CHD4: variants seen among roughly 807,000 people sequenced by gnomAD.
CHD4 encodes the protein chromodomain helicase DNA binding protein 4, also known as ATP-dependent chromatin remodeler CHD4.
CHD4 carries 35 observed loss-of-function variants against 235.5 expected under a neutral mutation model. The observed-to-expected ratio is 0.15, with a 90% CI of 0.11 to 0.20. CHD4 has a LOEUF of 0.20. Ranked by LOEUF, CHD4 falls within the 10% of genes least tolerant of loss-of-function variation. The pLI, the probability that CHD4 is intolerant of heterozygous loss-of-function variation, is 1.00. For synonymous variants in CHD4, 900 were observed against 850.2 expected (o/e 1.06, Z -1.02); for missense variants, 1,329 against 2,432.3 (o/e 0.55, Z 9.54).
At chr12:6,596,214 C>T (rs66627071) in intron 12 of CHD4, 77 bp from the exon 13 acceptor site, 240,744 of 1,573,084 alleles carry the variant, frequency 0.15, 19,414 homozygotes, top group African/African-American at 0.2. Flanking sequence ...CTGGCAATAC[C>T]GTTTGTTTCA....
At chr12:6,598,176 T>C in intron 11 of CHD4, 46 bp downstream of exon 11, 1 of 1,609,622 alleles carries the variant, frequency 6.2e-7, no homozygotes, top group Non-Finnish European at 8.5e-7. Flanking sequence ...TTTGTCACTA[T>C]CCTCTTCATC....
Position 6,601,535 on chromosome 12 carries a change from T to C in CHD4, c.558-5A>G, listed in dbSNP as rs763716407. 4.1e-5 allele frequency: 66 copies of C among 1,613,894 alleles called. No individual in the cohort carries two copies. Among genetic ancestry groups the C allele is most frequent in the Middle Eastern group, 1.6e-4 (1 of 6,084 alleles). ...TTTTTGGCAGCAATGAGGGGTCTGG[T>C]GGAGAAATGCACAAGAGCAGAGGGA... On this transcript the variant is annotated splice_region_variant and splice_polypyrimidine_tract_variant and intron_variant, in intron 5 of 39. Transcript: ENST00000544040.
At chr12:6,584,691 G>A (rs944132969) in intron 25 of CHD4, 3 of 152,104 alleles carry the variant, frequency 2.0e-5, no homozygotes. Context: ...GCCCTTTTGT[G>A]TATTTTGAAC....
chr12:6,603,279 G>A (rs1948629890), intron 2 of CHD4: 1 of 152,352 alleles, frequency 6.6e-6, no homozygotes, highest in Non-Finnish European at 1.5e-5. Context: ...TCCTGGGCAA[G>A]GATAGGTGGG....
intron 2 of CHD4, among the ~76,000 whole-genome samples, chr12:6,605,518 TACACAGACACTTC>T (rs1948677542): frequency 6.6e-6 from 1 of 152,110 alleles, no homozygotes; most frequent in African/African-American, 2.4e-5. Context: ...CTAGCACACC[TACACAGACACTTC>T]ACACTGCCAG....
intron 2 of CHD4, 63 bp downstream of exon 2, chr12:6,606,211 G>A: frequency 9.0e-7 from 1 of 1,112,262 alleles, no homozygotes; most frequent in Non-Finnish European, 1.3e-6. Flanking sequence ...CCTCACCAGA[G>A]GAGTCACTCG....
At chr12:6,602,588 A>G in intron 2 of CHD4, 91 bp from the exon 3 acceptor site, 1 of 1,490,672 alleles carries the variant, frequency 6.7e-7, no homozygotes, top group Non-Finnish European at 9.1e-7. Context: ...TTTATTCCCC[A>G]CCTCTTGTCC....
chr12:6,594,710 A>G, intron 14 of CHD4, 60 bp from the exon 15 acceptor site: 2 of 1,481,758 alleles, frequency 1.3e-6, no homozygotes, highest in Non-Finnish European at 9.2e-7. Context: ...CCCCTAATAG[A>G]GCAGCTGCTT....
intron 2 of CHD4, among the ~76,000 whole-genome samples, chr12:6,603,455 G>C (rs1163634068): frequency 6.6e-6 from 1 of 151,674 alleles, no homozygotes; most frequent in East Asian, 1.9e-4. Flanking sequence ...ACCCACTGAG[G>C]AGAGGGAAAA....
intron 13 of CHD4, among the ~76,000 whole-genome samples, chr12:6,595,650 T>G (rs1360264104): frequency 6.6e-6 from 1 of 151,980 alleles, no homozygotes; most frequent in Non-Finnish European, 1.5e-5. Flanking sequence ...TAGCTGGGCA[T>G]GGTGGCAGAC....
In CHD4 at chr12:6,573,330, C is replaced by G. The variant is rs375762397; in HGVS notation, c.5362-61G>C. The G allele has an allele frequency of 5.8e-6, 8 of 1,389,760 alleles. No individual in the cohort carries two copies. In the African/African-American group the frequency reaches 9.0e-5, roughly 16 times the overall value. The allele number at this position is 1,389,760 out of a possible 1,614,324, so 86.1% of individuals were successfully genotyped here. A position where few individuals can be genotyped will look rare whatever the true frequency, so the allele number is the denominator to read the frequency against. The stretch of plus-strand genomic sequence containing the variant: ...GATAACTCACTTTACTCACTTCTGA[C>G]TGGCCTCTCAGCTCACCTCTCATTG... On this transcript the variant is annotated intron_variant, in intron 37 of 39. Coordinates refer to ENST00000544040, the MANE Select transcript of CHD4 (RefSeq NM_001273.5).
At position 6,573,364 on chromosome 12, in the gene CHD4, G is replaced by A. The variant is rs1948012710; in HGVS notation, c.5362-95C>T. 3 of 1,047,630 alleles carry A rather than the reference G, an allele frequency of 2.9e-6. No individual in the cohort carries two copies. In the South Asian group the frequency reaches 6.2e-5, roughly 22 times the overall value. 64.9% of individuals were successfully genotyped at this position (1,047,630 alleles called of 1,614,324 possible). ...CAGCTCACCTCTCATTGTTTCAGATGGTAATAAGAACCTATGAAGAACTTC... is the reference window on the plus strand; with the variant it reads ...CAGCTCACCTCTCATTGTTTCAGATAGTAATAAGAACCTATGAAGAACTTC... On this transcript the variant is annotated intron_variant, in intron 37 of 39. Transcript: ENST00000544040.
chr12:6,583,434 C>T, intron 25 of CHD4, 56 bp from the exon 26 acceptor site: 1 of 1,465,046 alleles, frequency 6.8e-7, no homozygotes, highest in Non-Finnish European at 9.3e-7. Context: ...CCACCAGCTA[C>T]CCCTGGTCCT....
rs985189419 is a variant in CHD4 at position 6,585,572 on chromosome 12, A to G, written c.3879+1812T>C. On this transcript the variant is annotated intron_variant, in intron 25 of 39. Coordinates refer to ENST00000544040, the MANE Select transcript of CHD4 (RefSeq NM_001273.5). ...GCTGGGATTACAGGCGTGAGCCACC[A>G]CGTCTGGCCCAATTCTAATCTTTAA... Among the ~76,000 whole-genome samples, 5 of 150,984 alleles carry G rather than the reference A, an allele frequency of 3.3e-5. 1 individual carries two copies. Among genetic ancestry groups the G allele is most frequent in the Middle Eastern group, 6.4e-3 (2 of 314 alleles).
intron 2 of CHD4, among the ~76,000 whole-genome samples, chr12:6,606,072 G>C (rs539159943): frequency 6.6e-6 from 1 of 152,344 alleles, no homozygotes; most frequent in African/African-American, 2.4e-5. Context: ...CAGCAAGCTG[G>C]CATCTCCGTG....
At chr12:6,585,048 G>A (rs1592268107) in intron 25 of CHD4, among the ~76,000 whole-genome samples, 1 of 152,168 alleles carries the variant, frequency 6.6e-6, no homozygotes, top group African/African-American at 2.4e-5. Flanking sequence ...ATGGTTCTGA[G>A]GTGGAAGAAT....
chr12:6,600,524 A>G lies in CHD4; in HGVS notation c.1063+10T>C, dbSNP rs769566608. On this transcript the variant is annotated intron_variant, in intron 8 of 39. Coordinates refer to ENST00000544040, the MANE Select transcript of CHD4 (RefSeq NM_001273.5). Reference sequence around the variant, plus strand: ...TCATCCCATCACAAATATACAGAAGAGAAACACACCTTTCTTTTTCTTTTT... The same window carrying G: ...TCATCCCATCACAAATATACAGAAGGGAAACACACCTTTCTTTTTCTTTTT... The G allele has an allele frequency of 6.2e-7, 1 of 1,613,672 alleles. No homozygotes were observed. The highest frequency in any genetic ancestry group is 8.5e-7 in the Non-Finnish European group (1 of 1,179,904).
At chr12:6,584,234 A>G (rs1205492414) in intron 25 of CHD4, 1 of 152,194 alleles carries the variant, frequency 6.6e-6, no homozygotes, top group Non-Finnish European at 1.5e-5. Context: ...CTTTGGGTAC[A>G]TATATGTGAG....
chr12:6,597,146 A>C lies in CHD4; in HGVS notation c.1892+748T>G, dbSNP rs546692669. 1.6e-3 allele frequency among the ~76,000 whole-genome samples: 231 copies of C among 148,004 alleles called. 2 individuals carry two copies. The highest frequency in any genetic ancestry group is 6.0e-3 in the Admixed American group (88 of 14,786). On this transcript the variant is annotated intron_variant, in intron 12 of 39. Transcript: ENST00000544040. The stretch of plus-strand genomic sequence containing the variant: ...AAAAAATTAGCCAGGCATGGTGGCG[A>C]TGGCCTGTAGTCCCAGCTACTCGGG...
Sources: gnomAD v4.1 joint callset for allele counts (sites outside exome capture counted in the v4.1 genomes callset) on GRCh38, gnomAD v4.1.1 for gene constraint, MANE v1.5 for transcripts, NCBI Gene and HGNC (gene_info 2026-07-23, HGNC 2026-07-21) for gene names.